Variants in SLIT2 observed in about 807,000 individuals in gnomAD.
The protein encoded by SLIT2 is slit homolog 2 protein.
Under a neutral mutation model 185.7 loss-of-function variants are expected in SLIT2, and 41 were observed. That is an observed-to-expected ratio of 0.22 (90% CI 0.17 to 0.29). SLIT2 has a LOEUF of 0.29. Ranked by LOEUF, SLIT2 falls within the 10% of genes least tolerant of loss-of-function variation. SLIT2 has a pLI of 1.00. For missense variants in SLIT2, 1,571 were observed against 1,909.0 expected, an observed-to-expected ratio of 0.82 and a Z score of 3.30; for synonymous variants, 693 against 680.2, an observed-to-expected ratio of 1.02 and a Z score of -0.29.
intron 4 of SLIT2, among the ~76,000 whole-genome samples, chr4:20,438,592 C>G (rs2148695892): frequency 6.6e-6 from 1 of 152,232 alleles, no homozygotes; most frequent in African/African-American, 2.4e-5. Context: ...AGAGCCAAAC[C>G]ATATCAGCCT....
chr4:20,527,352 C>T (rs977338332), intron 15 of SLIT2, among the ~76,000 whole-genome samples: 43 of 151,868 alleles, frequency 2.8e-4, no homozygotes, highest in African/African-American at 9.4e-4. Flanking sequence ...GTGGCATGAT[C>T]TCGGCTCACT....
chr4:20,352,037 A>G (rs997404436), intron 4 of SLIT2, among the ~76,000 whole-genome samples: 7 of 152,130 alleles, frequency 4.6e-5, no homozygotes, highest in African/African-American at 1.2e-4. Flanking sequence ...GAATGACATT[A>G]TATCTGCTGC....
At chr4:20,496,610 T>G (rs532001296) in intron 9 of SLIT2, among the ~76,000 whole-genome samples, 1 of 152,292 alleles carries the variant, frequency 6.6e-6, no homozygotes, top group African/African-American at 2.4e-5. Flanking sequence ...CTGTCCCTAA[T>G]TATCGTATTT....
intron 5 of SLIT2, among the ~76,000 whole-genome samples, chr4:20,472,287 G>GATATATATATCTAT (rs1560452839): frequency 6.7e-5 from 1 of 14,882 alleles, no homozygotes; most frequent in Non-Finnish European, 1.2e-4. Context: ...TATATATATA[G>GATATATATATCTAT]ATATATAGAT....
chr4:20,351,728 C>T (rs548323295), intron 4 of SLIT2, among the ~76,000 whole-genome samples: 13 of 152,244 alleles, frequency 8.5e-5, no homozygotes, highest in South Asian at 6.2e-4. Flanking sequence ...GAAAGGAAGG[C>T]CCTGGGCTTT....
In SLIT2 at chr4:20,477,644, A is replaced by G. The variant is rs550193644; in HGVS notation, c.468-3072A>G. Among the ~76,000 whole-genome samples the G allele has an allele frequency of 3.9e-5, 6 of 152,338 alleles. No individual in the cohort carries two copies. The East Asian group carries it at 9.7e-4, about 25-fold the overall frequency. On this transcript the variant is annotated intron_variant, in intron 5 of 36. Transcript: ENST00000504154. The stretch of plus-strand genomic sequence containing the variant: ...AGCCAAAGGGAAGATTGGAGTCAGC[A>G]AATAAGGGAGAAGACACAAAAGTAT...
rs552931555 is a variant in SLIT2 at position 20,568,601 on chromosome 4, G to A, written c.2949-264G>A. Among the ~76,000 whole-genome samples, 3 of 152,102 alleles carry A rather than the reference G, an allele frequency of 2.0e-5. No individual in the cohort carries two copies. In the South Asian group the frequency reaches 6.2e-4, roughly 32 times the overall value. On this transcript the variant is annotated intron_variant, in intron 28 of 36. Transcript: ENST00000504154. ...TGTTTTAGACCTGCAAATACAGTGG[G>A]TTTGTTGACTTTTAAGACCATGGAA...
At chr4:20,432,667 C>T (rs989511690) in intron 4 of SLIT2, among the ~76,000 whole-genome samples, 10 of 151,884 alleles carry the variant, frequency 6.6e-5, no homozygotes, top group Admixed American at 4.6e-4. Flanking sequence ...TTTCTCACAA[C>T]GTGATGTAAG....
intron 4 of SLIT2, among the ~76,000 whole-genome samples, chr4:20,349,765 G>T (rs1340154156): frequency 6.6e-6 from 1 of 152,060 alleles, no homozygotes; most frequent in African/African-American, 2.4e-5. Context: ...TGACCCTATG[G>T]GTTCAGTTCT....
intron 4 of SLIT2, among the ~76,000 whole-genome samples, chr4:20,415,230 T>C (rs1315387555): frequency 6.6e-6 from 1 of 151,956 alleles, no homozygotes; most frequent in Non-Finnish European, 1.5e-5. Context: ...GCTAACACGG[T>C]GAAACCCCGT....
At chr4:20,268,681 G>T (rs1455118029) in intron 3 of SLIT2, 129 bp from the exon 4 acceptor site, 1 of 704,900 alleles carries the variant, frequency 1.4e-6, no homozygotes, top group Non-Finnish European at 2.5e-6. Flanking sequence ...GATTTGCAAT[G>T]CTTGAATTCT....
intron 4 of SLIT2, among the ~76,000 whole-genome samples, chr4:20,391,149 A>T (rs910212446): frequency 6.6e-6 from 1 of 152,032 alleles, no homozygotes. Flanking sequence ...GTCGGGGTAA[A>T]TCCTTTTACC....
chr4:20,431,195 T>C (rs1001000810), intron 4 of SLIT2, among the ~76,000 whole-genome samples: 3 of 152,154 alleles, frequency 2.0e-5, no homozygotes, highest in Non-Finnish European at 4.4e-5. Context: ...AAACAATACT[T>C]TCTTTTACTA....
chr4:20,480,522 G>T (rs1025379847), intron 5 of SLIT2, among the ~76,000 whole-genome samples, 194 bp from the exon 6 acceptor site: 1 of 152,112 alleles, frequency 6.6e-6, no homozygotes, highest in African/African-American at 2.4e-5. Flanking sequence ...TGCACAGACA[G>T]TTCAGAACAA....
At chr4:20,539,933 T>C (rs1722658029) in intron 19 of SLIT2, among the ~76,000 whole-genome samples, 2 of 152,118 alleles carry the variant, frequency 1.3e-5, no homozygotes, top group Admixed American at 6.6e-5. Flanking sequence ...TGGAGTATTT[T>C]CAGTATAAGT....
intron 4 of SLIT2, among the ~76,000 whole-genome samples, chr4:20,449,239 T>C (rs1010296869): frequency 5.3e-5 from 8 of 152,130 alleles, no homozygotes; most frequent in African/African-American, 1.9e-4. Flanking sequence ...GAAACTTAGT[T>C]TCATTTTTCT....
chr4:20,379,045 C>A (rs976143933), intron 4 of SLIT2, among the ~76,000 whole-genome samples: 3 of 152,038 alleles, frequency 2.0e-5, no homozygotes, highest in Admixed American at 6.6e-5. Flanking sequence ...GGTTTTAGGC[C>A]AGTGAAACTA....
intron 4 of SLIT2, among the ~76,000 whole-genome samples, chr4:20,297,776 A>G (rs1403245759): frequency 6.6e-6 from 1 of 151,590 alleles, no homozygotes; most frequent in Non-Finnish European, 1.5e-5. Flanking sequence ...AAAAACAAAT[A>G]GGAGGTAAAA....
intron 4 of SLIT2, among the ~76,000 whole-genome samples, chr4:20,279,320 A>G (rs975394049): frequency 7.2e-5 from 11 of 152,212 alleles, no homozygotes; most frequent in Non-Finnish European, 1.6e-4. Flanking sequence ...CAACGTTATC[A>G]TGCTATCATA....
Sources: gnomAD v4.1 joint callset for allele counts (sites outside exome capture counted in the v4.1 genomes callset) on GRCh38, gnomAD v4.1.1 for gene constraint, MANE v1.5 for transcripts, NCBI Gene and HGNC (gene_info 2026-07-23, HGNC 2026-07-21) for gene names.